Variants in LARP1 observed in about 807,000 individuals in gnomAD.
LARP1 encodes La ribonucleoprotein 1, translational regulator.
Under a neutral mutation model 122.7 loss-of-function variants are expected in LARP1, and 36 were observed. That is an observed-to-expected ratio of 0.29 (90% confidence interval 0.22 to 0.39). LARP1 has a LOEUF of 0.39. LARP1 is among the 10% of genes least tolerant of loss of function. The pLI, the probability that LARP1 is intolerant of heterozygous loss-of-function variation, is 1.00. For missense variants in LARP1, 1,040 were observed against 1,403.6 expected, an observed-to-expected ratio of 0.74 and a Z score of 4.14; for synonymous variants, 539 against 528.7, an observed-to-expected ratio of 1.02 and a Z score of -0.27.
At chr5:154,789,916 A>G (rs1757205206) in intron 1 of LARP1, among the ~76,000 whole-genome samples, 1 of 152,180 alleles carries the variant, frequency 6.6e-6, no homozygotes, top group Admixed American at 6.5e-5. Flanking sequence ...TCAAACTTCT[A>G]GAATGTTAGG....
chr5:154,781,967 T>C (rs370845146), intron 1 of LARP1, among the ~76,000 whole-genome samples: 1 of 152,178 alleles, frequency 6.6e-6, no homozygotes, highest in Non-Finnish European at 1.5e-5. Context: ...TCTTAAATTG[T>C]AGACTGAGTT....
At chr5:154,765,748 C>T (rs116498470) in intron 1 of LARP1, among the ~76,000 whole-genome samples, 8 of 152,248 alleles carry the variant, frequency 5.3e-5, no homozygotes, top group African/African-American at 1.4e-4. Context: ...TACCTGATTA[C>T]GTTTGTATTC....
At chr5:154,711,210 T>C (rs1755202581), upstream of LARP1, among the ~76,000 whole-genome samples, 1 of 151,764 alleles carries the variant, frequency 6.6e-6, no homozygotes, top group Non-Finnish European at 1.5e-5. Flanking sequence ...GGTGTGATCT[T>C]GGCTCACTGC....
Position 154,808,578 on chromosome 5 carries a change from C to G in LARP1, c.2818C>G (p.Leu940Val). ...KMYEEFKQLA[L>V]EDAKEGYRYG... ...GTATGAGGAGTTCAAGCAGCTGGCTCTGGAGGACGCCAAAGAAGGCTACAG... is the reference window on the plus strand; with the variant it reads ...GTATGAGGAGTTCAAGCAGCTGGCTGTGGAGGACGCCAAAGAAGGCTACAG... The change falls in exon 16 of 19, where the codon CTG (leucine) becomes GTG (valine). Residue 940 changes from leucine to valine, a missense_variant. By Grantham distance (32) the Leu-to-Val change is conservative. This residue lies in a region of LARP1 where 59 missense variants were observed against 137.2 expected (regional missense o/e 0.43). Transcript: ENST00000518297. The G allele has an allele frequency of 6.2e-7, 1 of 1,613,522 alleles. No homozygotes were observed.
intron 1 of LARP1, among the ~76,000 whole-genome samples, chr5:154,775,301 A>G (rs1755777192): frequency 6.6e-6 from 1 of 152,130 alleles, no homozygotes; most frequent in African/African-American, 2.4e-5. Flanking sequence ...CCTCGTATCT[A>G]AAAAACGTAA....
intron 1 of LARP1, 131 bp from the exon 2 acceptor site, chr5:154,790,194 C>G: frequency 2.9e-6 from 2 of 684,022 alleles, no homozygotes; most frequent in South Asian, 2.0e-5. Context: ...TTTCCCCTCT[C>G]TACTGTGTCT....
upstream of LARP1, among the ~76,000 whole-genome samples, chr5:154,755,251 C>T (rs1414611218): frequency 2.9e-3 from 1 of 348 alleles, no homozygotes; most frequent in South Asian, 0.05. Context: ...GCCCAGGGCC[C>T]GGCCAGCGGC....
upstream of LARP1, among the ~76,000 whole-genome samples, chr5:154,709,597 GATTTTTTTTT>G (rs1200378296): frequency 8.6e-6 from 1 of 116,798 alleles, no homozygotes; most frequent in African/African-American, 3.3e-5. Flanking sequence ...TCTCCAGTGA[GATTTTTTTTT>G]TTTTTTTTTT....
intron 1 of LARP1, among the ~76,000 whole-genome samples, chr5:154,732,903 A>G (rs1016042085): frequency 6.6e-6 from 1 of 152,160 alleles, no homozygotes; most frequent in Non-Finnish European, 1.5e-5. Flanking sequence ...CATGTTTGAC[A>G]TCCTTCCCTG....
intron 1 of LARP1, among the ~76,000 whole-genome samples, chr5:154,735,004 C>T (rs955196092): frequency 1.3e-5 from 2 of 152,050 alleles, no homozygotes; most frequent in African/African-American, 4.8e-5. Flanking sequence ...ACATGATTTC[C>T]TTCCTTTTTA....
intron 1 of LARP1, chr5:154,686,001 C>T (rs1434863090): frequency 2.2e-6 from 1 of 460,522 alleles, no homozygotes; most frequent in Non-Finnish European, 4.2e-6. Flanking sequence ...AAACTCATCA[C>T]AATTGGGATT....
upstream of LARP1, among the ~76,000 whole-genome samples, chr5:154,751,117 G>A (rs1406656908): frequency 6.6e-6 from 1 of 152,036 alleles, no homozygotes; most frequent in African/African-American, 2.4e-5. Flanking sequence ...ATCTTCCTGA[G>A]GCCTAAGTAT....
intron 1 of LARP1, among the ~76,000 whole-genome samples, chr5:154,743,051 A>G (rs557248504): frequency 6.6e-6 from 1 of 152,314 alleles, no homozygotes; most frequent in African/African-American, 2.4e-5. Context: ...TGAATGTTAA[A>G]GTCTTGGAGA....
At position 154,799,868 on chromosome 5, in the gene LARP1, T is replaced by C; in HGVS notation, c.1547-5T>C. ...GGATGAGGACTTCCCCTTTCCACCC[T>C]TTAGAGTCGGCACCTGGCTCTCCTC... On this transcript the variant is annotated splice_region_variant and splice_polypyrimidine_tract_variant and intron_variant, in intron 9 of 18. Coordinates refer to ENST00000518297, the MANE Select transcript of LARP1 (RefSeq NM_033551.3). The C allele has an allele frequency of 1.2e-6, 2 of 1,613,574 alleles. No individual in the cohort carries two copies. Among genetic ancestry groups the C allele is most frequent in the East Asian group, 2.2e-5 (1 of 44,872 alleles).
intron 16 of LARP1, among the ~76,000 whole-genome samples, chr5:154,809,550 A>G (rs1025072349): frequency 6.6e-6 from 1 of 152,096 alleles, no homozygotes; most frequent in African/African-American, 2.4e-5. Context: ...CTTTGTATGC[A>G]TGTGTAGTTG....
intron 1 of LARP1, among the ~76,000 whole-genome samples, chr5:154,768,995 G>A (rs1254243460): frequency 1.3e-5 from 2 of 151,966 alleles, no homozygotes; most frequent in Non-Finnish European, 2.9e-5. Context: ...TGCCTATCAC[G>A]CCTGGCTAAT....
At chr5:154,796,129 AT>A (rs1207148898) in intron 8 of LARP1, among the ~76,000 whole-genome samples, 3 of 124,374 alleles carry the variant, frequency 2.4e-5, no homozygotes, top group Admixed American at 1.1e-4. Flanking sequence ...TATTATATAT[AT>A]TTTATATATT....
At chr5:154,781,693 C>T (rs1475539754) in intron 1 of LARP1, among the ~76,000 whole-genome samples, 4 of 152,200 alleles carry the variant, frequency 2.6e-5, no homozygotes, top group South Asian at 4.1e-4. Context: ...GTCCAAAGGA[C>T]GGCTTTGAAT....
At chr5:154,695,504 A>G (rs1754427605) in intron 1 of LARP1, among the ~76,000 whole-genome samples, 1 of 151,908 alleles carries the variant, frequency 6.6e-6, no homozygotes. Flanking sequence ...TAAAAATACA[A>G]AAATCAGCTG....
Sources: allele counts gnomAD v4.1 joint callset (sites outside exome capture counted in the v4.1 genomes callset), GRCh38; gene constraint gnomAD v4.1.1; regional missense constraint gnomAD v4.1.1; transcripts MANE v1.5; gene names NCBI Gene and HGNC (gene_info 2026-07-23, HGNC 2026-07-21).